Variants in DACH2 observed in about 807,000 individuals in gnomAD.
DACH2 encodes the protein dachshund family transcription factor 2.
DACH2 carries 17 observed loss-of-function variants against 35.8 expected under a neutral mutation model. That is an observed-to-expected ratio of 0.48 (90% CI 0.33 to 0.71). DACH2 has a LOEUF of 0.71. DACH2 is among the 30% of genes least tolerant of loss of function. The pLI, the probability that DACH2 is intolerant of heterozygous loss-of-function variation, is 0.02. For missense variants in DACH2, 469 were observed against 472.7 expected (o/e 0.99, Z 0.07); for synonymous variants, 195 against 177.3 (o/e 1.10, Z -0.79).
At chrX:86,718,573 T>A (rs2041363844) in intron 6 of DACH2, among the ~76,000 whole-genome samples, 1 of 111,900 alleles carries the variant, frequency 8.9e-6, no homozygotes, top group Non-Finnish European at 1.9e-5. Context: ...CCAGGAGAAT[T>A]TTCCTTAGGT....
At chrX:86,297,179 G>C (rs1040274332) in intron 1 of DACH2, among the ~76,000 whole-genome samples, 6 of 108,780 alleles carry the variant, frequency 5.5e-5, no homozygotes, top group Non-Finnish European at 1.1e-4. Context: ...ATATTATGGG[G>C]TTAGAGAAAA....
intron 3 of DACH2, among the ~76,000 whole-genome samples, chrX:86,524,591 A>G (rs1246440175): frequency 2.7e-5 from 3 of 112,225 alleles, no homozygotes; most frequent in Non-Finnish European, 3.8e-5. Flanking sequence ...TCAGCTTAAT[A>G]ATTAGAACTA....
At chrX:86,465,779 T>G (rs943638466) in intron 2 of DACH2, among the ~76,000 whole-genome samples, 1 of 112,341 alleles carries the variant, frequency 8.9e-6, no homozygotes, top group Non-Finnish European at 1.9e-5. Flanking sequence ...GATAATATGT[T>G]TGTTTTGCCT....
intron 2 of DACH2, among the ~76,000 whole-genome samples, chrX:86,450,422 A>G (rs1380929669): frequency 9.0e-6 from 1 of 111,447 alleles, no homozygotes; most frequent in Non-Finnish European, 1.9e-5. Flanking sequence ...TTGTGGCTAC[A>G]TAGTATTCCA....
At chrX:86,802,498 A>T (rs2147338353) in intron 7 of DACH2, among the ~76,000 whole-genome samples, 1 of 99,784 alleles carries the variant, frequency 1.0e-5, no homozygotes, top group Admixed American at 1.1e-4. Context: ...GATCTGTGCC[A>T]GATTAAGAAG....
intron 7 of DACH2, among the ~76,000 whole-genome samples, chrX:86,788,638 A>T (rs1436881515): frequency 8.9e-6 from 1 of 111,797 alleles, no homozygotes; most frequent in Non-Finnish European, 1.9e-5. Context: ...CCTAATGAGG[A>T]TTTCTCCTTT....
intron 2 of DACH2, among the ~76,000 whole-genome samples, chrX:86,445,793 G>T (rs2037261971): frequency 9.0e-6 from 1 of 110,736 alleles, no homozygotes; most frequent in African/African-American, 3.3e-5. Flanking sequence ...ATCTATCCTA[G>T]GGAATGTTCC....
intron 1 of DACH2, among the ~76,000 whole-genome samples, chrX:86,217,441 A>T (rs2032603498): frequency 8.9e-6 from 1 of 111,968 alleles, no homozygotes; most frequent in Admixed American, 9.5e-5. Context: ...AGCATGCTGT[A>T]AATTTATTAC....
chrX:86,394,038 C>G (rs917811409), intron 2 of DACH2, among the ~76,000 whole-genome samples: 1 of 108,644 alleles, frequency 9.2e-6, no homozygotes, highest in Non-Finnish European at 1.9e-5. Flanking sequence ...AGTACAGCTA[C>G]CGCTCTCCCA....
At chrX:86,701,507 C>T (rs1233440923) in intron 5 of DACH2, among the ~76,000 whole-genome samples, 2 of 111,183 alleles carry the variant, frequency 1.8e-5, no homozygotes, top group Non-Finnish European at 3.8e-5. Flanking sequence ...GAAGTCCTGG[C>T]CAGAGCAATC....
chrX:86,739,839 G>T lies in DACH2; in HGVS notation c.1197G>T (p.Val399=). The change falls in exon 7 of 12, where the codon GTG becomes GTT. Residue 399 remains valine (V), a synonymous_variant. Transcript: ENST00000373125. ...SQTSSHTSSS[V]SSSPSQMDHH... is the part of the protein sequence containing the mutation. ...CCTCTTCCCACACCAGCAGCAGTGT[G>T]TCCAGCTCTCCCTCTCAGATGGATC... 1 of 1,205,307 alleles carries T rather than the reference G, an allele frequency of 8.3e-7. No homozygotes were observed.
rs1306174546 is a variant in DACH2 at position 86,458,940 on chromosome X, G to A, written c.528-55339G>A. ...TGTAGGTGACGAGTTGATAGGTGCA[G>A]CAAACCACCAGGGCACGTGTATACC... On this transcript the variant is annotated intron_variant, in intron 2 of 11. Coordinates refer to ENST00000373125, the MANE Select transcript of DACH2 (RefSeq NM_053281.3). 2.7e-5 allele frequency among the ~76,000 whole-genome samples: 3 copies of A among 110,346 alleles called. No homozygotes were observed. The East Asian group carries it at 8.5e-4, about 31-fold the overall frequency.
intron 3 of DACH2, among the ~76,000 whole-genome samples, chrX:86,544,300 A>G (rs996411248): frequency 3.6e-5 from 4 of 111,005 alleles, no homozygotes; most frequent in Non-Finnish European, 7.5e-5. Context: ...GAACCCCTGC[A>G]AAATACTGTA....
intron 3 of DACH2, among the ~76,000 whole-genome samples, chrX:86,569,982 GA>G (rs2039344194): frequency 9.0e-6 from 1 of 111,406 alleles, no homozygotes; most frequent in South Asian, 3.7e-4. Context: ...ACAAACATAT[GA>G]AAAAAAGATG....
chrX:86,773,986 TTTC>T (rs1256098715), intron 7 of DACH2, among the ~76,000 whole-genome samples: 1 of 111,975 alleles, frequency 8.9e-6, no homozygotes, highest in Admixed American at 9.5e-5. Flanking sequence ...TTAATTTTCA[TTTC>T]TTAAGGAACC....
intron 7 of DACH2, among the ~76,000 whole-genome samples, chrX:86,772,297 A>G (rs866184638): frequency 9.0e-6 from 1 of 111,711 alleles, no homozygotes; most frequent in African/African-American, 3.2e-5. Flanking sequence ...ACAAATAACT[A>G]TTTGTCTTAG....
intron 2 of DACH2, among the ~76,000 whole-genome samples, chrX:86,461,612 TA>T (rs1354218459): frequency 2.7e-5 from 3 of 111,420 alleles, no homozygotes; most frequent in Non-Finnish European, 5.7e-5. Flanking sequence ...AAATTCTCTA[TA>T]AATCTTTCAG....
chrX:86,731,403 T>A (rs1015522307), intron 6 of DACH2, among the ~76,000 whole-genome samples: 2 of 111,626 alleles, frequency 1.8e-5, no homozygotes, highest in Non-Finnish European at 3.8e-5. Flanking sequence ...GTACTACATA[T>A]GAAATGGGTA....
Position 86,355,960 on chromosome X carries a change from AT to A in DACH2, c.489-20855del, listed in dbSNP as rs199547170. Among the ~76,000 whole-genome samples the A allele has an allele frequency of 5.6e-3, 601 of 108,098 alleles. 9 individuals carry two copies. Among genetic ancestry groups the A allele is most frequent in the Non-Finnish European group, 7.7e-3 (403 of 52,097 alleles). The allele number at this position is 108,098 out of a possible 115,157, so 93.9% of individuals were successfully genotyped here. ...CCTTTGTTAGATGCATAGTTTGCCAATTTTTTTTTCCCATTCTGTAGGTTGT... is the reference window on the plus strand; with the variant it reads ...CCTTTGTTAGATGCATAGTTTGCCAATTTTTTTTCCCATTCTGTAGGTTGT... On this transcript the variant is annotated intron_variant, in intron 1 of 11. Transcript: ENST00000373125.
Sources: allele counts gnomAD v4.1 joint callset (sites outside exome capture counted in the v4.1 genomes callset), GRCh38; gene constraint gnomAD v4.1.1; transcripts MANE v1.5; gene names NCBI Gene and HGNC (gene_info 2026-07-23, HGNC 2026-07-21).